Variants in CNTNAP2 observed in about 807,000 individuals in gnomAD.
CNTNAP2 encodes contactin associated protein 2.
Under a neutral mutation model 155.2 loss-of-function variants are expected in CNTNAP2, and 98 were observed. That is an observed-to-expected ratio of 0.63 (90% CI 0.54 to 0.75). The LOEUF is 0.75. CNTNAP2 is among the 30% of genes least tolerant of loss of function. CNTNAP2 has a pLI of 0.00. For synonymous variants in CNTNAP2, 651 were observed against 631.2 expected (o/e 1.03, Z -0.47); for missense variants, 1,727 against 1,688.1 (o/e 1.02, Z -0.40).
intron 1 of CNTNAP2, among the ~76,000 whole-genome samples, chr7:146,406,255 G>A (rs1398139638): frequency 6.6e-6 from 1 of 152,194 alleles, no homozygotes; most frequent in Admixed American, 6.5e-5. Context: ...ACAGGGCACT[G>A]TTTAGCAAAT....
At chr7:147,520,398 A>ATT (rs1363692117) in intron 11 of CNTNAP2, among the ~76,000 whole-genome samples, 1 of 152,132 alleles carries the variant, frequency 6.6e-6, no homozygotes, top group Non-Finnish European at 1.5e-5. Flanking sequence ...CAGAAGGATG[A>ATT]TTTTGTTTAC....
At chr7:147,659,574 T>C (rs73744520) in intron 13 of CNTNAP2, among the ~76,000 whole-genome samples, 2,717 of 152,296 alleles carry the variant, frequency 0.018, 78 homozygotes, top group African/African-American at 0.06. Context: ...CATGGAGTTC[T>C]ACTGGAAAGC....
chr7:146,301,953 T>C (rs1311450971), intron 1 of CNTNAP2, among the ~76,000 whole-genome samples: 1 of 152,124 alleles, frequency 6.6e-6, no homozygotes, highest in Non-Finnish European at 1.5e-5. Flanking sequence ...AATTTCCTGT[T>C]CAAGCTACCT....
At chr7:148,030,484 A>T (rs931924206) in intron 15 of CNTNAP2, among the ~76,000 whole-genome samples, 6 of 152,054 alleles carry the variant, frequency 3.9e-5, no homozygotes, top group African/African-American at 1.4e-4. Context: ...TATGCTGGGG[A>T]AATTCAATGT....
intron 9 of CNTNAP2, among the ~76,000 whole-genome samples, chr7:147,353,235 G>A (rs546192291): frequency 2.6e-5 from 4 of 151,176 alleles, no homozygotes; most frequent in East Asian, 3.9e-4. Context: ...TGCCATGGTC[G>A]TTTGCTGCAC....
chr7:148,331,768 T>TGGGGTAGAC (rs1563046128), intron 21 of CNTNAP2, among the ~76,000 whole-genome samples: 19 of 13,134 alleles, frequency 1.4e-3, no homozygotes, highest in Non-Finnish European at 2.4e-3. Context: ...ATGGATTGGA[T>TGGGGTAGAC]GGATGGAATG....
chr7:147,010,254 T>A (rs1202800378), intron 3 of CNTNAP2, among the ~76,000 whole-genome samples: 2 of 151,944 alleles, frequency 1.3e-5, no homozygotes. Context: ...AGGTGATCCA[T>A]TCACCTCAGC....
At chr7:147,352,377 C>G (rs1351308159) in intron 9 of CNTNAP2, among the ~76,000 whole-genome samples, 1 of 151,886 alleles carries the variant, frequency 6.6e-6, no homozygotes, top group Non-Finnish European at 1.5e-5. Context: ...TCATCTAAGT[C>G]CAAATTTTAA....
intron 14 of CNTNAP2, among the ~76,000 whole-genome samples, chr7:147,919,459 C>CTTTCTTTCTTTTTTTTTTTTTTTTT (rs58537091): frequency 2.1e-4 from 11 of 51,232 alleles, no homozygotes; most frequent in African/African-American, 9.7e-4. Flanking sequence ...CTTTTTCTTT[C>CTTTCTTTCTTTTTTTTTTTTTTTTT]TTTTTTTTTT....
intron 1 of CNTNAP2, among the ~76,000 whole-genome samples, chr7:146,340,722 A>G (rs567863753): frequency 6.6e-6 from 1 of 152,248 alleles, no homozygotes; most frequent in Admixed American, 6.5e-5. Context: ...TTCTTATTTT[A>G]TCTCCGCCTG....
At chr7:147,034,223 A>G (rs1206266635) in intron 3 of CNTNAP2, among the ~76,000 whole-genome samples, 1 of 152,166 alleles carries the variant, frequency 6.6e-6, no homozygotes, top group Non-Finnish European at 1.5e-5. Flanking sequence ...AATGAAATAT[A>G]ATTTGTGGAT....
chr7:148,169,554 A>G (rs2972111), intron 17 of CNTNAP2, among the ~76,000 whole-genome samples: 45,043 of 152,204 alleles, frequency 0.3, 8,600 homozygotes, highest in African/African-American at 0.54. Flanking sequence ...AAAATTTTAA[A>G]AACTTAAAAG....
At chr7:146,952,329 A>C (rs1797333645) in intron 3 of CNTNAP2, among the ~76,000 whole-genome samples, 1 of 152,214 alleles carries the variant, frequency 6.6e-6, no homozygotes, top group Non-Finnish European at 1.5e-5. Context: ...ATCATACTGA[A>C]TGGGCAAAAG....
intron 12 of CNTNAP2, among the ~76,000 whole-genome samples, chr7:147,601,645 ATATATAT>A (rs535121513): frequency 0.24 from 30,811 of 128,140 alleles, 3,832 homozygotes; most frequent in East Asian, 0.3. Flanking sequence ...TTAAAAAAAA[ATATATAT>A]ATATATATAT....
chr7:146,832,847 C>T (rs1157098570), intron 2 of CNTNAP2, among the ~76,000 whole-genome samples: 2 of 151,958 alleles, frequency 1.3e-5, no homozygotes, highest in Non-Finnish European at 2.9e-5. Flanking sequence ...GGGCACCCGC[C>T]ACCACGCCTG....
At chr7:147,011,204 A>T (rs1468796172) in intron 3 of CNTNAP2, among the ~76,000 whole-genome samples, 5 of 151,974 alleles carry the variant, frequency 3.3e-5, no homozygotes, top group Admixed American at 3.3e-4. Flanking sequence ...ACCTGAGGTC[A>T]TCAGTTCAGG....
chr7:147,245,809 T>A (rs183096790), intron 8 of CNTNAP2, among the ~76,000 whole-genome samples: 1 of 144,708 alleles, frequency 6.9e-6, no homozygotes. Context: ...TAAAATCCAA[T>A]TCCTTTCAGC....
At chr7:148,231,153 C>A (rs1425857610) in intron 20 of CNTNAP2, among the ~76,000 whole-genome samples, 1 of 152,148 alleles carries the variant, frequency 6.6e-6, no homozygotes, top group East Asian at 1.9e-4. Flanking sequence ...CCCACCACAG[C>A]CATAGAATCG....
chr7:146,912,098 T>G (rs112317414), intron 3 of CNTNAP2, among the ~76,000 whole-genome samples: 5,706 of 151,212 alleles, frequency 0.038, 119 homozygotes, highest in Middle Eastern at 0.088. Context: ...TCACGATGTT[T>G]TAAAATGTTT....
Sources: allele counts gnomAD v4.1 joint callset (sites outside exome capture counted in the v4.1 genomes callset), GRCh38; gene constraint gnomAD v4.1.1; transcripts MANE v1.5; gene names NCBI Gene and HGNC (gene_info 2026-07-23, HGNC 2026-07-21).